POLD3: variants seen among roughly 807,000 people sequenced by gnomAD.
POLD3 encodes DNA polymerase delta 3, accessory subunit, also known as DNA polymerase delta subunit 3.
Under a neutral mutation model 58.2 loss-of-function variants are expected in POLD3, and 19 were observed. That is an observed-to-expected ratio of 0.33 (90% confidence interval 0.23 to 0.48). The LOEUF is 0.48. Among genes scored for constraint, POLD3 ranks in the 20% least tolerant of loss-of-function variants. POLD3 has a pLI of 0.99. For missense variants in POLD3, 504 were observed against 545.5 expected, an observed-to-expected ratio of 0.92 and a Z score of 0.76; for synonymous variants, 172 against 193.5, an observed-to-expected ratio of 0.89 and a Z score of 0.92.
chr11:74,669,117 G>A (rs1452725415), exon 5 of POLD3: 1 of 202,498 alleles, frequency 4.9e-6, no homozygotes. Context: ...CTTGCTGTGT[G>A]ACGTTGGGCA....
At chr11:74,668,494 A>G (rs569751568) in intron 4 of POLD3, among the ~76,000 whole-genome samples, 2 of 152,338 alleles carry the variant, frequency 1.3e-5, no homozygotes, top group South Asian at 2.1e-4. Context: ...ATCACGTAGC[A>G]AGGGGACCCA....
In POLD3 at chr11:74,642,298, A is replaced by C. The variant is rs893571868; in HGVS notation, c.*1532A>C. 1.1e-5 allele frequency: 11 copies of C among 985,206 alleles called. No homozygotes were observed. Among genetic ancestry groups the C allele is most frequent in the African/African-American group, 1.7e-5 (1 of 57,248 alleles). The allele number at this position is 985,206 out of a possible 1,614,324, so 61.0% of individuals were successfully genotyped here. A position where few individuals can be genotyped will look rare whatever the true frequency, so the allele number is the denominator to read the frequency against. On this transcript the variant is annotated 3_prime_UTR_variant, in exon 12 of 12. Coordinates refer to ENST00000263681, the MANE Select transcript of POLD3 (RefSeq NM_006591.3). ...TGTATAGCAAGCTGAGTAAAGGTTG[A>C]CATATTCCAAAACCCTTCTTTTTAA...
At chr11:74,661,075 T>G (rs1259887435) in intron 4 of POLD3, among the ~76,000 whole-genome samples, 1 of 152,120 alleles carries the variant, frequency 6.6e-6, no homozygotes, top group African/African-American at 2.4e-5. Flanking sequence ...TTTGTTAAAT[T>G]TATCTGATAG....
At chr11:74,654,260 A>G (rs541999372) in intron 4 of POLD3, among the ~76,000 whole-genome samples, 1 of 152,370 alleles carries the variant, frequency 6.6e-6, no homozygotes, top group African/African-American at 2.4e-5. Flanking sequence ...GAAAAAGACC[A>G]TGCGTACACA....
intron 11 of POLD3, among the ~76,000 whole-genome samples, chr11:74,637,319 C>G (rs1591318677): frequency 1.3e-5 from 2 of 151,996 alleles, no homozygotes; most frequent in African/African-American, 4.8e-5. Context: ...TTAATTGTAA[C>G]ATGTGATTGG....
At chr11:74,661,586 G>A (rs1157176584) in intron 4 of POLD3, among the ~76,000 whole-genome samples, 1 of 152,200 alleles carries the variant, frequency 6.6e-6, no homozygotes, top group Non-Finnish European at 1.5e-5. Context: ...GGAGTGGGGT[G>A]ACACAAACAC....
At chr11:74,616,670 G>C (rs924499700) in intron 5 of POLD3, among the ~76,000 whole-genome samples, 2 of 152,226 alleles carry the variant, frequency 1.3e-5, no homozygotes, top group Non-Finnish European at 2.9e-5. Context: ...TAAATACAGA[G>C]TTTTCTGATG....
intron 8 of POLD3, among the ~76,000 whole-genome samples, chr11:74,627,420 T>G (rs992854901): frequency 6.6e-6 from 1 of 151,900 alleles, no homozygotes; most frequent in South Asian, 2.1e-4. Context: ...CAAAAAGTTA[T>G]AAAATTGAAA....
intron 4 of POLD3, among the ~76,000 whole-genome samples, chr11:74,661,362 G>C (rs2033204403): frequency 6.6e-6 from 1 of 152,174 alleles, no homozygotes; most frequent in Non-Finnish European, 1.5e-5. Flanking sequence ...GGTATTCGAA[G>C]GGACTTCAGT....
chr11:74,629,409 A>G, intron 9 of POLD3, 86 bp downstream of exon 9: 1 of 699,342 alleles, frequency 1.4e-6, no homozygotes, highest in Non-Finnish European at 2.5e-6. Flanking sequence ...ATTAAGGATC[A>G]CAATGAGAGT....
At chr11:74,654,849 A>AC (rs11397055) in intron 4 of POLD3, among the ~76,000 whole-genome samples, 124,540 of 152,194 alleles carry the variant, frequency 0.82, 51,139 homozygotes, top group Middle Eastern at 0.94. Context: ...AAAAAGCAAG[A>AC]CAACAATTCA....
At chr11:74,612,631 C>T (rs1029796452) in intron 4 of POLD3, among the ~76,000 whole-genome samples, 1 of 152,156 alleles carries the variant, frequency 6.6e-6, no homozygotes, top group African/African-American at 2.4e-5. Flanking sequence ...TACTAAGTGT[C>T]CACTGGATGA....
intron 11 of POLD3, among the ~76,000 whole-genome samples, chr11:74,637,358 C>T (rs2032777192): frequency 6.7e-6 from 1 of 148,376 alleles, no homozygotes; most frequent in African/African-American, 2.5e-5. Context: ...TGTGGAAATT[C>T]TGTCTTTTCA....
intron 2 of POLD3, chr11:74,595,276 C>T (rs145866336): frequency 2.2e-4 from 32 of 147,488 alleles, no homozygotes; most frequent in African/African-American, 7.7e-4. Context: ...TACAGGTGTA[C>T]ATCACCACAC....
downstream of POLD3, among the ~76,000 whole-genome samples, chr11:74,645,150 A>C (rs1158755821): frequency 6.6e-6 from 1 of 152,248 alleles, no homozygotes; most frequent in African/African-American, 2.4e-5. Flanking sequence ...TAGGATAATC[A>C]TTATGGGCAA....
intron 2 of POLD3, among the ~76,000 whole-genome samples, chr11:74,598,006 G>A (rs1279700972): frequency 1.3e-5 from 2 of 152,056 alleles, no homozygotes; most frequent in Non-Finnish European, 2.9e-5. Context: ...GTCTGAGCCC[G>A]GGAGTTCAAG....
intron 8 of POLD3, 48 bp from the exon 9 acceptor site, chr11:74,629,169 C>T: frequency 2.7e-6 from 3 of 1,104,852 alleles, no homozygotes; most frequent in Non-Finnish European, 4.0e-6. Flanking sequence ...TGAATACTTA[C>T]ATTTTTGTTC....
chr11:74,658,733 C>A lies in POLD3; in HGVS notation c.370-10044C>A, dbSNP rs552371710. On this transcript the variant is annotated intron_variant, in intron 4 of 4. Transcript: ENST00000524752. Reference sequence around the variant, plus strand: ...AAAGCTACAAAATGATCTCCTTTGACTCCAGGTCTCACATCCAGCTCACCC... The same window carrying A: ...AAAGCTACAAAATGATCTCCTTTGAATCCAGGTCTCACATCCAGCTCACCC... Among the ~76,000 whole-genome samples, 6 of 152,366 alleles carry A rather than the reference C, an allele frequency of 3.9e-5. No individual in the cohort carries two copies. In the East Asian group the frequency reaches 1.2e-3, roughly 29 times the overall value.
chr11:74,643,447 A>G (rs1489164923), downstream of POLD3, among the ~76,000 whole-genome samples: 1 of 152,170 alleles, frequency 6.6e-6, no homozygotes, highest in Non-Finnish European at 1.5e-5. Context: ...AATTTAGTGG[A>G]AGGGAAAGCC....
Sources: allele counts gnomAD v4.1 joint callset (sites outside exome capture counted in the v4.1 genomes callset), GRCh38; gene constraint gnomAD v4.1.1; transcripts MANE v1.5; gene names NCBI Gene and HGNC (gene_info 2026-07-23, HGNC 2026-07-21).